The following KIF16B variants were observed in gnomAD, a reference collection of about 807,000 sequenced individuals.
KIF16B encodes kinesin-like protein KIF16B.
A neutral mutation model predicts 156.3 loss-of-function variants in KIF16B; 98 were observed. The observed-to-expected ratio is 0.63, with a 90% CI of 0.53 to 0.74. The LOEUF (loss-of-function observed/expected upper bound fraction) is 0.74. Ranked by LOEUF, KIF16B falls within the 30% of genes least tolerant of loss-of-function variation. KIF16B has a pLI of 0.00. For missense variants in KIF16B, 1,421 were observed against 1,606.5 expected (o/e 0.88, Z 1.97); for synonymous variants, 564 against 583.7 (o/e 0.97, Z 0.49).
At chr20:16,304,234 C>T (rs2063511175) in intron 25 of KIF16B, among the ~76,000 whole-genome samples, 1 of 152,194 alleles carries the variant, frequency 6.6e-6, no homozygotes, top group Non-Finnish European at 1.5e-5. Context: ...CCAATTACTG[C>T]TCATGAAAAC....
chr20:16,539,904 C>CAA (rs2070129432), intron 1 of KIF16B, among the ~76,000 whole-genome samples: 1 of 152,180 alleles, frequency 6.6e-6, no homozygotes, highest in Non-Finnish European at 1.5e-5. Context: ...CAAACTGAGA[C>CAA]ATTAGCCTGG....
intron 1 of KIF16B, among the ~76,000 whole-genome samples, chr20:16,572,217 G>C (rs2071482426): frequency 6.6e-6 from 1 of 152,204 alleles, no homozygotes; most frequent in Non-Finnish European, 1.5e-5. Context: ...TACTTGCCAA[G>C]AGAAGAAACA....
At chr20:16,283,808 T>C (rs1357640530) in intron 25 of KIF16B, among the ~76,000 whole-genome samples, 1 of 152,062 alleles carries the variant, frequency 6.6e-6, no homozygotes, top group African/African-American at 2.4e-5. Context: ...TGGGCTCCTA[T>C]CTGGAAGCCC....
At chr20:16,333,479 G>A (rs1046552495) in intron 24 of KIF16B, among the ~76,000 whole-genome samples, 1 of 152,162 alleles carries the variant, frequency 6.6e-6, no homozygotes, top group African/African-American at 2.4e-5. Flanking sequence ...ACCATGCAGA[G>A]TTGCTCAATA....
intron 25 of KIF16B, among the ~76,000 whole-genome samples, chr20:16,309,538 G>A (rs775118580): frequency 3.9e-5 from 6 of 152,150 alleles, no homozygotes; most frequent in Non-Finnish European, 7.3e-5. Context: ...TTTATAACTT[G>A]AGAGTGCCAA....
chr20:16,351,393 G>T (rs557335949), intron 23 of KIF16B, among the ~76,000 whole-genome samples: 1 of 152,124 alleles, frequency 6.6e-6, no homozygotes, highest in Non-Finnish European at 1.5e-5. Context: ...TACCCACTCT[G>T]GTCCTAACTA....
chr20:16,408,784 T>C (rs957017771), intron 15 of KIF16B, among the ~76,000 whole-genome samples: 3 of 152,130 alleles, frequency 2.0e-5, no homozygotes, highest in Non-Finnish European at 2.9e-5. Flanking sequence ...TAGATAATGT[T>C]TGAGTCAACT....
intron 1 of KIF16B, among the ~76,000 whole-genome samples, chr20:16,555,724 C>T (rs535795509): frequency 5.4e-4 from 82 of 152,202 alleles, no homozygotes; most frequent in African/African-American, 1.8e-3. Context: ...TCTCAAAAGT[C>T]AGAGAAGGGA....
At chr20:16,496,938 G>A (rs1251154783) in intron 11 of KIF16B, among the ~76,000 whole-genome samples, 7 of 151,634 alleles carry the variant, frequency 4.6e-5, no homozygotes, top group Non-Finnish European at 1.0e-4. Context: ...TTTTCAATCT[G>A]TCTTAGCCAT....
chr20:16,352,487 C>G (rs747491074), intron 23 of KIF16B, among the ~76,000 whole-genome samples: 1 of 152,178 alleles, frequency 6.6e-6, no homozygotes, highest in Non-Finnish European at 1.5e-5. Context: ...CATGGCCCAG[C>G]AGGGGTCAGA....
chr20:16,364,626 C>T (rs2064620751), intron 22 of KIF16B, among the ~76,000 whole-genome samples: 1 of 152,226 alleles, frequency 6.6e-6, no homozygotes, highest in South Asian at 2.1e-4. Context: ...ACTCCACTGG[C>T]TTCCACAGGC....
chr20:16,379,686 C>T lies in KIF16B; in HGVS notation c.2316G>A (p.Lys772=), dbSNP rs766909056. Residue 772 remains lysine (K), a synonymous_variant, in exon 19 of 26, where the codon AAG becomes AAA. Transcript: ENST00000354981. ...GCCGCAGGAGCTGGATCATCTCCTG[C>T]TTCTCTCGGAGCTGCTCTTCCAGAT... is the stretch of plus-strand genomic sequence containing the variant. ...VAHLEEQLRE[K]QEMIQLLRRG... 6.8e-6 allele frequency: 11 copies of T among 1,614,062 alleles called. No homozygotes were observed. Among genetic ancestry groups the T allele is most frequent in the Non-Finnish European group, 5.9e-6 (7 of 1,180,038 alleles).
rs2068954262 is a variant in KIF16B at position 16,511,480 on chromosome 20, T to C, written c.494A>G (p.Lys165Arg). 1 of 1,612,838 alleles carries C rather than the reference T, an allele frequency of 6.2e-7. No individual in the cohort carries two copies. The highest frequency in any genetic ancestry group is 8.5e-7 in the Non-Finnish European group (1 of 1,179,276). Residue 165 changes from lysine to arginine, a missense_variant, in exon 6 of 26, where the codon AAG (lysine) becomes AGG (arginine). Coordinates refer to ENST00000354981, the MANE Select transcript of KIF16B (RefSeq NM_024704.5). ...NERVRDLLRRKSSKTFNLRVR... is the reference protein window; with the variant it reads ...NERVRDLLRRRSSKTFNLRVR... Reference sequence around the variant, plus strand: ...TCTCAAATTGAAGGTTTTAGATGACTTCCGCCGAAGTAGATCTCTCACACG... The same window carrying C: ...TCTCAAATTGAAGGTTTTAGATGACCTCCGCCGAAGTAGATCTCTCACACG...
At chr20:16,527,562 C>CT (rs2069592300) in intron 2 of KIF16B, among the ~76,000 whole-genome samples, 1 of 152,246 alleles carries the variant, frequency 6.6e-6, no homozygotes, top group African/African-American at 2.4e-5. Flanking sequence ...TCATTTCTTT[C>CT]TTTTTTGTTG....
At chr20:16,418,406 G>A (rs2066143512) in intron 15 of KIF16B, among the ~76,000 whole-genome samples, 1 of 152,078 alleles carries the variant, frequency 6.6e-6, no homozygotes. Flanking sequence ...CACGATAGGA[G>A]GTAGGACATG....
At chr20:16,507,099 CAAA>C (rs1555790010) in intron 7 of KIF16B, among the ~76,000 whole-genome samples, 1 of 124,648 alleles carries the variant, frequency 8.0e-6, no homozygotes. Flanking sequence ...AATCATGTCT[CAAA>C]AAAAAAAAAA....
At chr20:16,511,929 T>C (rs937175489) in intron 5 of KIF16B, among the ~76,000 whole-genome samples, 11 of 152,118 alleles carry the variant, frequency 7.2e-5, no homozygotes, top group African/African-American at 2.4e-4. Flanking sequence ...GATGGATCAC[T>C]TGAGGTCAGG....
chr20:16,291,932 T>G (rs1278922747), intron 25 of KIF16B, among the ~76,000 whole-genome samples: 1 of 152,218 alleles, frequency 6.6e-6, no homozygotes, highest in Non-Finnish European at 1.5e-5. Flanking sequence ...CAGAGAGCTC[T>G]GAAATACAAG....
intron 18 of KIF16B, among the ~76,000 whole-genome samples, chr20:16,381,226 G>T (rs1390395484): frequency 1.3e-5 from 2 of 152,062 alleles, no homozygotes; most frequent in African/African-American, 4.8e-5. Flanking sequence ...AGAAAAGTGA[G>T]CAAAGAATAA....
Sources: allele counts gnomAD v4.1 joint callset (sites outside exome capture counted in the v4.1 genomes callset), GRCh38; gene constraint gnomAD v4.1.1; transcripts MANE v1.5; gene names NCBI Gene and HGNC (gene_info 2026-07-23, HGNC 2026-07-21).